PKD1L1: variants seen among roughly 807,000 people sequenced by gnomAD.
The protein encoded by PKD1L1 is polycystin-1-like protein 1.
In PKD1L1, 236 loss-of-function variants were observed where a neutral mutation model predicts 323.4. That is an observed-to-expected ratio of 0.73 (90% CI 0.66 to 0.81). The LOEUF (loss-of-function observed/expected upper bound fraction) is 0.81. PKD1L1 is among the 40% of genes least tolerant of loss of function. PKD1L1 has a pLI of 0.00. For synonymous variants in PKD1L1, 1,344 were observed against 1,335.0 expected (o/e 1.01, Z -0.15); for missense variants, 3,320 against 3,508.0 (o/e 0.95, Z 1.35).
intron 4 of PKD1L1, among the ~76,000 whole-genome samples, chr7:47,936,447 T>C (rs558731115): frequency 3.6e-4 from 55 of 152,286 alleles, no homozygotes; most frequent in Non-Finnish European, 7.4e-4. Flanking sequence ...CTGGCTTATC[T>C]CACAAAGCAT....
chr7:47,934,285 GA>G (rs1245674911), intron 4 of PKD1L1, among the ~76,000 whole-genome samples: 2 of 152,112 alleles, frequency 1.3e-5, no homozygotes, highest in African/African-American at 4.8e-5. Flanking sequence ...TGACACTGTG[GA>G]AAAACACAAA....
chr7:47,889,152 C>G (rs77379749), intron 16 of PKD1L1, among the ~76,000 whole-genome samples: 1 of 151,930 alleles, frequency 6.6e-6, no homozygotes, highest in Non-Finnish European at 1.5e-5. Flanking sequence ...GGGGTGCAGA[C>G]GGACATGGGC....
intron 14 of PKD1L1, among the ~76,000 whole-genome samples, chr7:47,897,509 G>T (rs1786982993): frequency 1.3e-5 from 2 of 152,122 alleles, no homozygotes; most frequent in Non-Finnish European, 2.9e-5. Context: ...TTTTAAAAAT[G>T]ACCTCTCCCT....
chr7:47,886,851 A>G (rs1343266707), intron 17 of PKD1L1, among the ~76,000 whole-genome samples: 1 of 152,178 alleles, frequency 6.6e-6, no homozygotes, highest in Non-Finnish European at 1.5e-5. Flanking sequence ...GGAATAATAC[A>G]GCAAGTATCT....
chr7:47,811,459 A>G (rs1784893358), intron 50 of PKD1L1, among the ~76,000 whole-genome samples: 1 of 152,088 alleles, frequency 6.6e-6, no homozygotes, highest in African/African-American at 2.4e-5. Flanking sequence ...CTGGCCATAA[A>G]TGTCTCTTTT....
At chr7:47,794,205 G>A (rs1357867272) in intron 55 of PKD1L1, among the ~76,000 whole-genome samples, 2 of 152,126 alleles carry the variant, frequency 1.3e-5, no homozygotes, top group Non-Finnish European at 2.9e-5. Flanking sequence ...AATCCCCAAG[G>A]CCATGGGGAA....
Position 47,893,984 on chromosome 7 carries a change from C to T in PKD1L1, c.2347G>A (p.Val783Met). 1 of 1,613,700 alleles carries T rather than the reference C, an allele frequency of 6.2e-7. No individual in the cohort carries two copies. The highest frequency in any genetic ancestry group is 8.5e-7 in the Non-Finnish European group (1 of 1,179,834). The stretch of plus-strand genomic sequence containing the variant: ...AATAGGTGTGTGCCCTCGGAGATCA[C>T]ACTGACAGGGGCCTGGGCTCGCACC... ...LEVRAQAPVS[V>M]ISEGTHLFFS... Residue 783 changes from valine to methionine, a missense_variant, in exon 15 of 57, where the codon GTG becomes ATG. Val to Met is a conservative substitution (Grantham distance 21, BLOSUM62 1). Transcript: ENST00000289672.
chr7:47,877,702 T>C, intron 21 of PKD1L1, 71 bp from the exon 22 acceptor site: 1 of 1,529,842 alleles, frequency 6.5e-7, no homozygotes, highest in Non-Finnish European at 8.8e-7. Context: ...TAAGTTTTTA[T>C]AGATAAACCT....
At chr7:47,852,618 C>A (rs113815792) in intron 31 of PKD1L1, among the ~76,000 whole-genome samples, 1 of 152,250 alleles carries the variant, frequency 6.6e-6, no homozygotes, top group African/African-American at 2.4e-5. Context: ...TACTGAGGCT[C>A]AGAATCCTAA....
chr7:47,953,903 T>G, the PKD1L1 span, among the ~76,000 whole-genome samples: 1 of 152,232 alleles, frequency 6.6e-6, no homozygotes, highest in Non-Finnish European at 1.5e-5. Context: ...TTCTCACTTC[T>G]GTCTGGTCAT....
intron 3 of PKD1L1, 56 bp downstream of exon 3, chr7:47,940,137 C>T: frequency 6.2e-7 from 1 of 1,600,292 alleles, no homozygotes; most frequent in Non-Finnish European, 8.5e-7. Flanking sequence ...TTTAGCTGTA[C>T]TGTACATGTA....
chr7:47,923,552 A>C (rs1013894313), intron 7 of PKD1L1, among the ~76,000 whole-genome samples: 2 of 152,070 alleles, frequency 1.3e-5, no homozygotes, highest in African/African-American at 4.8e-5. Flanking sequence ...TTTAAAAAAA[A>C]CAAAAAACAC....
intron 51 of PKD1L1, among the ~76,000 whole-genome samples, chr7:47,808,758 C>A (rs556732689): frequency 4.7e-4 from 71 of 152,170 alleles, no homozygotes; most frequent in Admixed American, 9.8e-4. Context: ...AAATGATCCA[C>A]CTGTATCAGC....
chr7:47,825,753 A>C (rs954399261), intron 45 of PKD1L1, among the ~76,000 whole-genome samples: 10 of 152,264 alleles, frequency 6.6e-5, no homozygotes, highest in Admixed American at 5.2e-4. Flanking sequence ...ACTTATACTT[A>C]AGATTATGCC....
At chr7:47,878,792 G>A (rs879829922) in intron 21 of PKD1L1, among the ~76,000 whole-genome samples, 2 of 152,150 alleles carry the variant, frequency 1.3e-5, no homozygotes, top group Non-Finnish European at 2.9e-5. Context: ...TGAAGAGCAC[G>A]GGAAGGGAGG....
rs192965888 is a variant in PKD1L1, at chr7:47,872,011, T to C, written c.3896+1888A>G. On this transcript the variant is annotated intron_variant, in intron 24 of 56. Transcript: ENST00000289672. ...TCTCTAGTGACAGATGACATGATCT[T>C]ATATAGAGAAAATCTCAAGGAATTC... 1.2e-4 allele frequency among the ~76,000 whole-genome samples: 18 copies of C among 152,296 alleles called. No homozygotes were observed. The East Asian group carries it at 3.1e-3, about 26-fold the overall frequency.
chr7:47,827,579 C>A, intron 44 of PKD1L1, 111 bp from the exon 45 acceptor site: 1 of 886,050 alleles, frequency 1.1e-6, no homozygotes, highest in South Asian at 2.0e-5. Flanking sequence ...TGCCTTCAGC[C>A]TGGCATTTGG....
intron 56 of PKD1L1, among the ~76,000 whole-genome samples, chr7:47,791,596 T>C (rs1475533420): frequency 6.6e-6 from 1 of 152,228 alleles, no homozygotes; most frequent in Non-Finnish European, 1.5e-5. Flanking sequence ...TACTGCTTTT[T>C]CCTGAAGCAG....
intron 44 of PKD1L1, 92 bp downstream of exon 44, chr7:47,829,333 T>C (rs1180657406): frequency 2.3e-6 from 3 of 1,285,642 alleles, no homozygotes; most frequent in African/African-American, 1.5e-5. Context: ...TGCAACCCAA[T>C]CTGAATTCAA....
Sources: allele counts gnomAD v4.1 joint callset (sites outside exome capture counted in the v4.1 genomes callset), GRCh38; gene constraint gnomAD v4.1.1; transcripts MANE v1.5; gene names NCBI Gene and HGNC (gene_info 2026-07-23, HGNC 2026-07-21).